MAP3K1: variants seen among roughly 807,000 people sequenced by gnomAD.
MAP3K1 encodes the protein MAP/ERK kinase kinase 1.
Under a neutral mutation model 144.2 loss-of-function variants are expected in MAP3K1, and 36 were observed. That is an observed-to-expected ratio of 0.25 (90% CI 0.19 to 0.33). The LOEUF is 0.33. MAP3K1 is among the 10% of genes least tolerant of loss of function. The pLI is 1.00. For missense variants in MAP3K1, 1,650 were observed against 1,881.9 expected (o/e 0.88, Z 2.28); for synonymous variants, 718 against 688.7 (o/e 1.04, Z -0.67).
chr5:56,848,352 TGTTTGTCCATCATGAATGATG>T (rs1308509916), intron 1 of MAP3K1, among the ~76,000 whole-genome samples: 4 of 152,224 alleles, frequency 2.6e-5, no homozygotes, highest in African/African-American at 9.6e-5. Context: ...TTAAGGGCTA[TGTTTGTCCATCATGAATGATG>T]GTGTAACATC....
chr5:56,880,684 T>C (rs754463598), intron 11 of MAP3K1, 27 bp from the exon 12 acceptor site: 3 of 1,509,072 alleles, frequency 2.0e-6, no homozygotes, highest in Non-Finnish European at 1.8e-6. Flanking sequence ...AGATCCAGGA[T>C]TGATGTTGCT....
intron 17 of MAP3K1, 39 bp downstream of exon 17, chr5:56,886,102 AAATT>A (rs1385334752): frequency 6.4e-7 from 1 of 1,574,608 alleles, no homozygotes; most frequent in Non-Finnish European, 8.7e-7. Flanking sequence ...GACAATAAAA[AAATT>A]AATTTTAAAA....
chr5:56,823,925 CTG>C (rs1303399439), intron 1 of MAP3K1, among the ~76,000 whole-genome samples: 3 of 152,162 alleles, frequency 2.0e-5, no homozygotes, highest in African/African-American at 7.2e-5. Context: ...ACACATACAT[CTG>C]TGAATAAATA....
Position 56,856,758 on chromosome 5 carries a change from G to A in MAP3K1, c.633+8G>A, listed in dbSNP as rs760646246. ...AATAGGCGAGGGCCTGTGGTAAGTGGCTATGGGTTACCAGTTATAAGGAAG... is the reference window on the plus strand; with the variant it reads ...AATAGGCGAGGGCCTGTGGTAAGTGACTATGGGTTACCAGTTATAAGGAAG... On this transcript the variant is annotated splice_region_variant and intron_variant, in intron 2 of 19. Coordinates refer to ENST00000399503, the MANE Select transcript of MAP3K1 (RefSeq NM_005921.2). 3.1e-6 allele frequency: 5 copies of A among 1,613,738 alleles called. No individual in the cohort carries two copies. In the South Asian group the frequency reaches 5.5e-5, roughly 18 times the overall value.
At chr5:56,829,174 C>CTT (rs941506603) in intron 1 of MAP3K1, among the ~76,000 whole-genome samples, 1 of 142,898 alleles carries the variant, frequency 7.0e-6, no homozygotes, top group Admixed American at 7.0e-5. Context: ...TGTTTTTCTT[C>CTT]TTTTTTTTTT....
chr5:56,851,770 G>A (rs564055111), intron 1 of MAP3K1, among the ~76,000 whole-genome samples: 1 of 152,324 alleles, frequency 6.6e-6, no homozygotes, highest in South Asian at 2.1e-4. Context: ...TGGAAGCTGG[G>A]ATGGATTCAG....
rs1247478879 is a variant in MAP3K1 at position 56,895,209 on chromosome 5, TA to T, written c.*1533del. ...ACAGGGATATATTGCTTACAATTTT[TA>T]AAAGGCAGTTTGTTTTTTATGTGAA... On this transcript the variant is annotated 3_prime_UTR_variant, in exon 20 of 20. Transcript: ENST00000399503. The T allele has an allele frequency of 1.3e-5, 3 of 232,088 alleles. No homozygotes were observed. Among genetic ancestry groups the T allele is most frequent in the Admixed American group, 5.6e-5 (1 of 17,756 alleles). The allele number at this position is 232,088 out of a possible 1,614,324, so 14.4% of individuals were successfully genotyped here.
chr5:56,831,944 T>C (rs1334906823), intron 1 of MAP3K1, among the ~76,000 whole-genome samples: 1 of 152,204 alleles, frequency 6.6e-6, no homozygotes, highest in Non-Finnish European at 1.5e-5. Context: ...GGAGAGGGAA[T>C]TGCCAGGTGT....
chr5:56,834,020 A>G (rs1457286720), intron 1 of MAP3K1, among the ~76,000 whole-genome samples: 1 of 152,170 alleles, frequency 6.6e-6, no homozygotes, highest in Non-Finnish European at 1.5e-5. Context: ...CTTCCCAACA[A>G]AGGAGATTAT....
intron 16 of MAP3K1, among the ~76,000 whole-genome samples, chr5:56,885,150 T>C (rs191870867): frequency 1.4e-4 from 21 of 152,300 alleles, no homozygotes; most frequent in Middle Eastern, 3.4e-3. Flanking sequence ...AGGAAGTGTT[T>C]TAACATAACA....
At chr5:56,828,451 A>C (rs1746384852) in intron 1 of MAP3K1, among the ~76,000 whole-genome samples, 1 of 152,222 alleles carries the variant, frequency 6.6e-6, no homozygotes, top group African/African-American at 2.4e-5. Context: ...TTGAAACAAC[A>C]ATTAGTTTTT....
At chr5:56,829,763 C>T (rs1305540923) in intron 1 of MAP3K1, among the ~76,000 whole-genome samples, 1 of 152,132 alleles carries the variant, frequency 6.6e-6, no homozygotes, top group Non-Finnish European at 1.5e-5. Context: ...ACCTCAGCAC[C>T]ATTCTCTAGG....
At chr5:56,844,223 T>A (rs1413373028) in intron 1 of MAP3K1, among the ~76,000 whole-genome samples, 1 of 125,390 alleles carries the variant, frequency 8.0e-6, no homozygotes, top group Non-Finnish European at 1.6e-5. Context: ...AGAGTCTCGC[T>A]CTGTCGCCCA....
intron 19 of MAP3K1, among the ~76,000 whole-genome samples, chr5:56,889,917 C>G (rs565921141): frequency 6.6e-6 from 1 of 152,282 alleles, no homozygotes; most frequent in Non-Finnish European, 1.5e-5. Context: ...CTGACAATAC[C>G]TGTTTTGTAT....
intron 1 of MAP3K1, among the ~76,000 whole-genome samples, chr5:56,829,121 C>T (rs1746407709): frequency 6.6e-6 from 1 of 151,842 alleles, no homozygotes; most frequent in South Asian, 2.1e-4. Flanking sequence ...ATTGTAATTG[C>T]ACCAACTTGA....
At chr5:56,844,189 T>TG (rs1746909520) in intron 1 of MAP3K1, among the ~76,000 whole-genome samples, 2 of 131,194 alleles carry the variant, frequency 1.5e-5, no homozygotes, top group Admixed American at 7.5e-5. Flanking sequence ...TTTGGTTTTT[T>TG]TTTTTTTTTT....
chr5:56,819,600 T>C (rs1746093008), intron 1 of MAP3K1, among the ~76,000 whole-genome samples: 1 of 152,134 alleles, frequency 6.6e-6, no homozygotes, highest in Non-Finnish European at 1.5e-5. Context: ...TGCTCTCAGG[T>C]AGAAAGCACC....
chr5:56,829,404 T>C (rs955362631), intron 1 of MAP3K1, among the ~76,000 whole-genome samples: 2 of 147,906 alleles, frequency 1.4e-5, no homozygotes, highest in African/African-American at 5.0e-5. Flanking sequence ...CCTAAGCCGG[T>C]CTCCAACTCC....
chr5:56,825,320 G>C (rs1746279076), intron 1 of MAP3K1, among the ~76,000 whole-genome samples: 1 of 152,168 alleles, frequency 6.6e-6, no homozygotes, highest in Admixed American at 6.5e-5. Flanking sequence ...GCCAGGTCTA[G>C]ATTCTTAAAT....
Sources: gnomAD v4.1 joint callset for allele counts (sites outside exome capture counted in the v4.1 genomes callset) on GRCh38, gnomAD v4.1.1 for gene constraint, MANE v1.5 for transcripts, NCBI Gene and HGNC (gene_info 2026-07-23, HGNC 2026-07-21) for gene names.